ADCY10: variants seen among roughly 807,000 people sequenced by gnomAD.
The protein encoded by ADCY10 is adenylate cyclase 10.
Under a neutral mutation model 183.3 loss-of-function variants are expected in ADCY10, and 156 were observed. That is an observed-to-expected ratio of 0.85 (90% CI 0.75 to 0.97). The LOEUF is 0.97. Among genes scored for constraint, ADCY10 ranks in the 50% least tolerant of loss-of-function variants. The pLI, the probability that ADCY10 is intolerant of heterozygous loss-of-function variation, is 0.00. For synonymous variants in ADCY10, 645 were observed against 670.0 expected (o/e 0.96, Z 0.58); for missense variants, 1,745 against 1,934.3 (o/e 0.90, Z 1.84).
intron 30 of ADCY10, 46 bp downstream of exon 30, chr1:167,821,978 C>T: frequency 7.7e-7 from 1 of 1,299,604 alleles, no homozygotes; most frequent in Non-Finnish European, 1.1e-6. Context: ...CCTTGGGATT[C>T]AACATTTTCA....
intron 25 of ADCY10, among the ~76,000 whole-genome samples, 156 bp downstream of exon 25, chr1:167,832,831 C>T (rs1481919217): frequency 1.3e-5 from 2 of 152,188 alleles, no homozygotes; most frequent in African/African-American, 2.4e-5. Context: ...TATGGGAGCA[C>T]CTCCCACACT....
In ADCY10 at chr1:167,905,152, A is replaced by T; in HGVS notation, c.-12T>A. ...TTTGGAGTGTTCATGTTCAAGACAA[A>T]TGTTCAGGATTTTATGGTGACAGGA... is the stretch of plus-strand genomic sequence containing the variant. On this transcript the variant is annotated 5_prime_UTR_variant, in exon 2 of 33. Transcript: ENST00000367851. 1 of 1,614,208 alleles carries T rather than the reference A, an allele frequency of 6.2e-7. No individual in the cohort carries two copies. The highest frequency in any genetic ancestry group is 1.1e-5 in the South Asian group (1 of 91,084).
rs753920134 is a variant in ADCY10, at chr1:167,845,839, C to G, written c.2731G>C (p.Glu911Gln). Residue 911 changes from glutamate (E) to glutamine (Q), a missense_variant, in exon 21 of 33, where the codon GAA (glutamate) becomes CAA (glutamine). By Grantham distance (29) the Glu-to-Gln change is conservative. Coordinates refer to ENST00000367851, the MANE Select transcript of ADCY10 (RefSeq NM_018417.6). ...PSEGMDHGEE[E>Q]QLRELENEVI... is the part of the protein sequence containing the mutation. ...TCATTCTCCAGTTCACGAAGCTGTT[C>G]CTCTTCACCGTGATCTGGAGAGAGC... 1 of 1,614,052 alleles carries G rather than the reference C, an allele frequency of 6.2e-7. No homozygotes were observed. The highest frequency in any genetic ancestry group is 8.5e-7 in the Non-Finnish European group (1 of 1,180,032).
chr1:167,823,615 A>G (rs746782431), intron 28 of ADCY10, among the ~76,000 whole-genome samples: 13 of 152,088 alleles, frequency 8.5e-5, no homozygotes, highest in Non-Finnish European at 1.8e-4. Context: ...TTATACCCCC[A>G]AAGCTATTGA....
chr1:167,839,841 A>G (rs1396501313), intron 21 of ADCY10, among the ~76,000 whole-genome samples: 3 of 152,210 alleles, frequency 2.0e-5, no homozygotes, highest in African/African-American at 7.2e-5. Flanking sequence ...TTTGTTGCAT[A>G]AACGCACGTT....
At chr1:167,829,497 A>G (rs1008740562) in intron 25 of ADCY10, 74 bp from the exon 26 acceptor site, 1 of 1,573,092 alleles carries the variant, frequency 6.4e-7, no homozygotes, top group Non-Finnish European at 8.7e-7. Flanking sequence ...GCACAGGTAC[A>G]TGGTGTCCTC....
intron 17 of ADCY10, among the ~76,000 whole-genome samples, chr1:167,855,138 T>G (rs1198479053): frequency 2.6e-5 from 4 of 151,950 alleles, no homozygotes; most frequent in Admixed American, 6.6e-5. Context: ...CTGACCAATA[T>G]GGAGAAACCT....
chr1:167,902,170 G>A, intron 3 of ADCY10, 116 bp from the exon 4 acceptor site: 1 of 1,026,168 alleles, frequency 9.7e-7, no homozygotes, highest in East Asian at 2.4e-5. Flanking sequence ...TCAGAGAATA[G>A]GCTTATACTA....
At chr1:167,845,029 T>C (rs1214243394) in intron 21 of ADCY10, among the ~76,000 whole-genome samples, 1 of 152,184 alleles carries the variant, frequency 6.6e-6, no homozygotes, top group Non-Finnish European at 1.5e-5. Flanking sequence ...TGGTTGGTAT[T>C]ATTGGCTTGT....
At chr1:167,845,044 T>A (rs116525553) in intron 21 of ADCY10, among the ~76,000 whole-genome samples, 1,637 of 152,334 alleles carry the variant, frequency 0.011, 13 homozygotes, top group Middle Eastern at 0.02. Flanking sequence ...GCTTGTAACT[T>A]TTTAACTTTT....
At chr1:167,882,884 A>T (rs1228780164) in intron 9 of ADCY10, among the ~76,000 whole-genome samples, 1 of 152,200 alleles carries the variant, frequency 6.6e-6, no homozygotes, top group Non-Finnish European at 1.5e-5. Flanking sequence ...TATAATGAGG[A>T]TAATGACAAG....
chr1:167,860,373 A>T (rs959544577), intron 15 of ADCY10, among the ~76,000 whole-genome samples: 1 of 152,256 alleles, frequency 6.6e-6, no homozygotes, highest in African/African-American at 2.4e-5. Flanking sequence ...GCTGCTGCTG[A>T]TCTGACAAGA....
At chr1:167,879,286 GATTA>G (rs1667711216) in intron 11 of ADCY10, among the ~76,000 whole-genome samples, 1 of 152,148 alleles carries the variant, frequency 6.6e-6, no homozygotes, top group Non-Finnish European at 1.5e-5. Context: ...GGTTTATGAA[GATTA>G]ATTAGTTAAT....
chr1:167,900,527 A>C (rs1669332983), intron 5 of ADCY10, among the ~76,000 whole-genome samples: 1 of 151,928 alleles, frequency 6.6e-6, no homozygotes, highest in South Asian at 2.1e-4. Flanking sequence ...CAAAATATTT[A>C]ACTTATTTGG....
Position 167,840,084 on chromosome 1 carries a change from T to C in ADCY10, c.3008-2766A>G, listed in dbSNP as rs115468832. On this transcript the variant is annotated intron_variant, in intron 21 of 32. Transcript: ENST00000367851. Reference sequence around the variant, plus strand: ...AAAAAAAAAGAAAAGAAAAAAAAATTAGCAGCACATGGTGGCATGTGCCTG... The same window carrying C: ...AAAAAAAAAGAAAAGAAAAAAAAATCAGCAGCACATGGTGGCATGTGCCTG... Among the ~76,000 whole-genome samples the C allele has an allele frequency of 8.9e-3, 1,338 of 150,884 alleles. 17 individuals carry two copies. The highest frequency in any genetic ancestry group is 0.013 in the Non-Finnish European group (875 of 67,778).
chr1:167,829,044 C>A (rs1022254013), intron 26 of ADCY10, among the ~76,000 whole-genome samples: 17 of 152,120 alleles, frequency 1.1e-4, no homozygotes, highest in African/African-American at 4.1e-4. Flanking sequence ...ATAGATTCAA[C>A]CCATATGAAT....
chr1:167,887,752 T>A (rs1026478776), intron 8 of ADCY10, among the ~76,000 whole-genome samples: 1 of 151,584 alleles, frequency 6.6e-6, no homozygotes, highest in Non-Finnish European at 1.5e-5. Flanking sequence ...TCAATGAAAC[T>A]AATTTTTTAT....
chr1:167,869,104 A>G (rs187690417), intron 14 of ADCY10, among the ~76,000 whole-genome samples: 2 of 152,218 alleles, frequency 1.3e-5, no homozygotes, highest in African/African-American at 2.4e-5. Context: ...AAAACATGAC[A>G]AAACTGGCAC....
Position 167,848,458 on chromosome 1 carries a change from GTTTAACTTC to G in ADCY10, c.2331_2339del (p.Glu777_Asn780delinsAsp). ...CCTTATCACTATGGAGAGTAACCAT[GTTTAACTTC>G]TCTGTTAGCTTAATGGAATACTCTA... is the stretch of plus-strand genomic sequence containing the variant. On this transcript the variant is annotated inframe_deletion, in exon 19 of 33. Transcript: ENST00000367851. 1 of 1,613,376 alleles carries G rather than the reference GTTTAACTTC, an allele frequency of 6.2e-7. No individual in the cohort carries two copies. Among genetic ancestry groups the G allele is most frequent in the South Asian group, 1.1e-5 (1 of 91,068 alleles).
Sources: gnomAD v4.1 joint callset for allele counts (sites outside exome capture counted in the v4.1 genomes callset) on GRCh38, gnomAD v4.1.1 for gene constraint, MANE v1.5 for transcripts, NCBI Gene and HGNC (gene_info 2026-07-23, HGNC 2026-07-21) for gene names.